ATP13A5: variants seen among roughly 807,000 people sequenced by gnomAD.
ATP13A5 encodes ATPase 13A5.
Under a neutral mutation model 150.2 loss-of-function variants are expected in ATP13A5, and 149 were observed. The ratio of observed to expected loss-of-function variants is 0.99; its 90% CI spans 0.87 to 1.14. ATP13A5 has a LOEUF of 1.14. ATP13A5 is among the 50% of genes most tolerant of loss of function. The probability of loss-of-function intolerance (pLI) is 0.00; values close to 1 mark genes in which losing one functional copy is unlikely to be tolerated. For missense variants in ATP13A5, 1,383 were observed against 1,449.3 expected, an observed-to-expected ratio of 0.95 and a Z score of 0.74; for synonymous variants, 497 against 522.2, an observed-to-expected ratio of 0.95 and a Z score of 0.66.
At chr3:193,339,682 T>C (rs535077474) in intron 9 of ATP13A5, among the ~76,000 whole-genome samples, 17 of 152,192 alleles carry the variant, frequency 1.1e-4, no homozygotes, top group African/African-American at 4.1e-4. Context: ...ATCAATTGCA[T>C]TCTATGGCTT....
At chr3:193,297,580 G>A (rs186723996) in intron 25 of ATP13A5, among the ~76,000 whole-genome samples, 55 of 152,072 alleles carry the variant, frequency 3.6e-4, no homozygotes, top group African/African-American at 1.2e-3. Flanking sequence ...TTAAAGTGCC[G>A]TCACTCTGAT....
chr3:193,315,022 A>C lies in ATP13A5; in HGVS notation c.2108T>G (p.Leu703Arg), dbSNP rs1457677596. Reference protein sequence around the residue: ...MENRLKKETKLVLKELSEARI... With the variant: ...MENRLKKETKRVLKELSEARI... The stretch of plus-strand genomic sequence containing the variant: ...GGCCTCACTCAGTTCCTTCAAGACC[A>C]GTTTGGTTTCTTTTTTCAAGCGATT... The change falls in exon 18 of 30, where the codon CTG (leucine) becomes CGG (arginine). Residue 703 changes from leucine to arginine, a missense_variant. Physicochemically the swap from Leu to Arg is moderately radical, Grantham distance 102 (BLOSUM62 -2). Coordinates refer to ENST00000342358, the MANE Select transcript of ATP13A5 (RefSeq NM_198505.4). 3 of 1,611,880 alleles carry C rather than the reference A, an allele frequency of 1.9e-6. No homozygotes were observed. The highest frequency in any genetic ancestry group is 2.5e-6 in the Non-Finnish European group (3 of 1,178,562).
chr3:193,305,612 T>C lies in ATP13A5; in HGVS notation c.2625A>G (p.Ala875=). 6.2e-7 allele frequency: 1 copy of C among 1,613,984 alleles called. No homozygotes were observed. The highest frequency in any genetic ancestry group is 1.1e-5 in the South Asian group (1 of 91,066). ...TGGTTGTTTTAGAGGTAAAAGGGGA[T>C]GCCACAGATGCTTCCTGCTCTGATA... The part of the protein sequence containing the change: ...ISLSEQEASV[A]SPFTSKTTNI... The change falls in exon 23 of 30, where the codon GCA becomes GCG. Residue 875 remains alanine, a synonymous_variant. Coordinates refer to ENST00000342358, the MANE Select transcript of ATP13A5 (RefSeq NM_198505.4).
At chr3:193,325,075 A>T in intron 13 of ATP13A5, 61 bp from the exon 14 acceptor site, 1 of 1,532,278 alleles carries the variant, frequency 6.5e-7, no homozygotes, top group Non-Finnish European at 8.9e-7. Context: ...CTGTCCCTTA[A>T]ATCTTACTAA....
intron 22 of ATP13A5, 99 bp downstream of exon 22, chr3:193,307,228 G>A: frequency 6.3e-7 from 1 of 1,593,354 alleles, no homozygotes; most frequent in South Asian, 1.1e-5. Context: ...TCAAATGGTT[G>A]CTGGTGGAAG....
In ATP13A5 at chr3:193,333,918, A is replaced by G; in HGVS notation, c.1115-11T>C. 1 of 1,607,476 alleles carries G rather than the reference A, an allele frequency of 6.2e-7. No individual in the cohort carries two copies. Among genetic ancestry groups the G allele is most frequent in the Non-Finnish European group, 8.5e-7 (1 of 1,176,794 alleles). On this transcript the variant is annotated splice_polypyrimidine_tract_variant and intron_variant, in intron 10 of 29. Coordinates refer to ENST00000342358, the MANE Select transcript of ATP13A5 (RefSeq NM_198505.4). ...TGGCTGTATTGTAACCTACATAAAGATAATCATAGATCAAGTAAGGCTGCT... is the reference window on the plus strand; with the variant it reads ...TGGCTGTATTGTAACCTACATAAAGGTAATCATAGATCAAGTAAGGCTGCT...
chr3:193,377,804 G>T (rs1167887658), intron 1 of ATP13A5, among the ~76,000 whole-genome samples: 2 of 152,162 alleles, frequency 1.3e-5, no homozygotes, highest in African/African-American at 4.8e-5. Flanking sequence ...GTCTGTCTCT[G>T]TCTCCTTTCT....
intron 9 of ATP13A5, among the ~76,000 whole-genome samples, chr3:193,337,391 A>G (rs1711921134): frequency 6.6e-6 from 1 of 152,198 alleles, no homozygotes; most frequent in Non-Finnish European, 1.5e-5. Context: ...TAAGTCTTTA[A>G]TCCATCTTGA....
At chr3:193,346,528 C>G (rs1382230004) in intron 7 of ATP13A5, among the ~76,000 whole-genome samples, 2 of 152,118 alleles carry the variant, frequency 1.3e-5, no homozygotes, top group Non-Finnish European at 2.9e-5. Context: ...ATGCCTCTAA[C>G]TGGAAGTGGG....
chr3:193,362,750 CTTCTTTCT>C (rs751840109), intron 3 of ATP13A5, 113 bp from the exon 4 acceptor site: 37,029 of 630,206 alleles, frequency 0.059, 3,156 homozygotes, highest in African/African-American at 0.11. Context: ...ACTTGCTTTC[CTTCTTTCT>C]TTCTTTCTTT....
intron 7 of ATP13A5, among the ~76,000 whole-genome samples, chr3:193,347,445 C>T (rs1712385822): frequency 6.6e-6 from 1 of 151,706 alleles, no homozygotes; most frequent in South Asian, 2.1e-4. Flanking sequence ...AAAACCTTTT[C>T]TGTTGAGGAA....
intron 1 of ATP13A5, among the ~76,000 whole-genome samples, chr3:193,374,112 A>T (rs1713548269): frequency 1.3e-5 from 2 of 152,184 alleles, no homozygotes; most frequent in South Asian, 4.1e-4. Context: ...AGAGGCTGAT[A>T]TGCACACAGT....
intron 10 of ATP13A5, among the ~76,000 whole-genome samples, chr3:193,334,542 A>C (rs1273875763): frequency 1.3e-5 from 2 of 152,308 alleles, no homozygotes; most frequent in East Asian, 3.9e-4. Flanking sequence ...TTTATTACTG[A>C]ATTTGACATA....
Position 193,311,930 on chromosome 3 carries a change from CATGTAG to C in ATP13A5, c.2325_2330del (p.Ile775_Tyr776del). The C allele has an allele frequency of 6.2e-7, 1 of 1,613,670 alleles. No homozygotes were observed. Among genetic ancestry groups the C allele is most frequent in the East Asian group, 2.2e-5 (1 of 44,866 alleles). The stretch of plus-strand genomic sequence containing the variant: ...GAGGGGTTGAACTGTTTCCAGTATG[CATGTAG>C]ATTTCCTAAAATCAAAAGGGCATCA... On this transcript the variant is annotated inframe_deletion, in exon 20 of 30. Coordinates refer to ENST00000342358, the MANE Select transcript of ATP13A5 (RefSeq NM_198505.4).
intron 3 of ATP13A5, 120 bp from the exon 4 acceptor site, chr3:193,362,757 C>CTTTA (rs1337582513): frequency 1.0e-5 from 1 of 95,940 alleles, no homozygotes; most frequent in Non-Finnish European, 2.1e-5. Context: ...TTCCTTCTTT[C>CTTTA]TTTCTTTCTT....
intron 23 of ATP13A5, among the ~76,000 whole-genome samples, chr3:193,302,014 G>A (rs889303609): frequency 2.0e-5 from 3 of 152,172 alleles, no homozygotes; most frequent in Admixed American, 2.0e-4. Flanking sequence ...GATTATGACA[G>A]GTTAGAAGAA....
chr3:193,321,713 T>C lies in ATP13A5; in HGVS notation c.1883A>G (p.Glu628Gly). Residue 628 changes from glutamate to glycine, a missense_variant, in exon 16 of 30, where the codon GAA becomes GGA. Transcript: ENST00000342358. ...HFHVYMKGAP[E>G]MVARFCRSET... is the part of the protein sequence containing the mutation. Reference sequence around the variant, plus strand: ...AGATCTGCAGAACCTGGCCACCATTTCTGGGGCACCTTTCATGTAGACATG... The same window carrying C: ...AGATCTGCAGAACCTGGCCACCATTCCTGGGGCACCTTTCATGTAGACATG... The C allele has an allele frequency of 6.2e-7, 1 of 1,614,186 alleles. No homozygotes were observed. Among genetic ancestry groups the C allele is most frequent in the Non-Finnish European group, 8.5e-7 (1 of 1,180,008 alleles).
At chr3:193,278,063 T>A (rs1024092266) in intron 28 of ATP13A5, among the ~76,000 whole-genome samples, 1 of 152,112 alleles carries the variant, frequency 6.6e-6, no homozygotes, top group African/African-American at 2.4e-5. Flanking sequence ...CTTGGCCTCC[T>A]AGAGTGCAGG....
At chr3:193,276,899 A>T in intron 28 of ATP13A5, 69 bp from the exon 29 acceptor site, 3 of 1,130,508 alleles carry the variant, frequency 2.7e-6, no homozygotes, top group Non-Finnish European at 3.9e-6. Flanking sequence ...CATATTAATT[A>T]TTTAATTTAT....
Sources: allele counts gnomAD v4.1 joint callset (sites outside exome capture counted in the v4.1 genomes callset), GRCh38; gene constraint gnomAD v4.1.1; transcripts MANE v1.5; gene names NCBI Gene and HGNC (gene_info 2026-07-23, HGNC 2026-07-21).